EPHA6: variants seen among roughly 807,000 people sequenced by gnomAD.
The protein encoded by EPHA6 is ephrin type-A receptor 6.
In EPHA6, 50 loss-of-function variants were observed where a neutral mutation model predicts 112.0. The ratio of observed to expected loss-of-function variants is 0.45; its 90% CI spans 0.36 to 0.56. EPHA6 has a LOEUF of 0.56. Ranked by LOEUF, EPHA6 falls within the 20% of genes least tolerant of loss-of-function variation. The probability of loss-of-function intolerance (pLI) is 0.00; values close to 1 mark genes in which losing one functional copy is unlikely to be tolerated. For missense variants in EPHA6, 1,280 were observed against 1,417.4 expected (o/e 0.90, Z 1.56); for synonymous variants, 529 against 490.7 (o/e 1.08, Z -1.03).
At chr3:97,052,294 G>A (rs17568929) in intron 3 of EPHA6, among the ~76,000 whole-genome samples, 25,155 of 151,980 alleles carry the variant, frequency 0.17, 2,415 homozygotes, top group Non-Finnish European at 0.22. Context: ...CTAACCTCCT[G>A]TATGATGACT....
chr3:97,350,374 G>A (rs1056569907), intron 5 of EPHA6, among the ~76,000 whole-genome samples: 16 of 152,036 alleles, frequency 1.1e-4, no homozygotes, highest in Non-Finnish European at 2.2e-4. Flanking sequence ...TCACAATGCA[G>A]AACATTTTAA....
At chr3:97,166,390 C>T (rs1007945048) in intron 3 of EPHA6, among the ~76,000 whole-genome samples, 12 of 149,430 alleles carry the variant, frequency 8.0e-5, no homozygotes, top group South Asian at 2.1e-4. Flanking sequence ...AAATAACAAA[C>T]GTGTGTATAA....
At chr3:97,223,937 T>C (rs2078276806) in intron 3 of EPHA6, among the ~76,000 whole-genome samples, 1 of 151,924 alleles carries the variant, frequency 6.6e-6, no homozygotes, top group Admixed American at 6.5e-5. Flanking sequence ...TCCAGTATGG[T>C]ATTCACTAGC....
chr3:96,917,418 CAAAA>C, intron 2 of EPHA6, among the ~76,000 whole-genome samples: 1 of 58,080 alleles, frequency 1.7e-5, no homozygotes, highest in South Asian at 6.2e-4. Context: ...GACTCCATCT[CAAAA>C]AAAAAAAAAA....
At chr3:97,384,043 A>G (rs1386645653) in intron 5 of EPHA6, among the ~76,000 whole-genome samples, 3 of 152,182 alleles carry the variant, frequency 2.0e-5, no homozygotes, top group Non-Finnish European at 4.4e-5. Context: ...TAGAATATGT[A>G]AGTTTTTTTC....
At chr3:97,719,307 T>C (rs780985469) in intron 14 of EPHA6, among the ~76,000 whole-genome samples, 49 of 151,988 alleles carry the variant, frequency 3.2e-4, no homozygotes, top group Non-Finnish European at 6.0e-4. Context: ...GAGCTCTGAC[T>C]GTCAAAAATA....
At chr3:97,003,038 T>G (rs868533831) in intron 3 of EPHA6, among the ~76,000 whole-genome samples, 2 of 152,256 alleles carry the variant, frequency 1.3e-5, no homozygotes, top group Admixed American at 6.5e-5. Flanking sequence ...ATGGTTGTTA[T>G]GTTGTAGGGG....
intron 3 of EPHA6, among the ~76,000 whole-genome samples, chr3:97,018,802 C>G (rs1278294375): frequency 1.3e-5 from 2 of 152,100 alleles, no homozygotes; most frequent in Non-Finnish European, 2.9e-5. Flanking sequence ...CTCTAAACTC[C>G]CCTGGGGAAA....
At chr3:97,128,447 A>G (rs994592937) in intron 3 of EPHA6, among the ~76,000 whole-genome samples, 1 of 152,126 alleles carries the variant, frequency 6.6e-6, no homozygotes, top group Non-Finnish European at 1.5e-5. Context: ...TTGGATTATA[A>G]TACTTGATAT....
intron 1 of EPHA6, among the ~76,000 whole-genome samples, chr3:96,863,420 A>T (rs2036122625): frequency 6.6e-6 from 1 of 151,998 alleles, no homozygotes; most frequent in African/African-American, 2.4e-5. Context: ...TGATAAAATT[A>T]AAATATTTAC....
At position 97,760,396 on chromosome 3, in the gene EPHA6, G is replaced by T; in HGVS notation, c.*11695G>T. ...CATATGTATATATACATATGTATGTGTGTATGTGTGTATATATATCTCTCT... is the reference window on the plus strand; with the variant it reads ...CATATGTATATATACATATGTATGTTTGTATGTGTGTATATATATCTCTCT... On this transcript the variant is annotated 3_prime_UTR_variant, in exon 18 of 18. Transcript: ENST00000389672. 6.1e-6 allele frequency: 1 copy of T among 163,004 alleles called. No individual in the cohort carries two copies. Among genetic ancestry groups the T allele is most frequent in the Non-Finnish European group, 1.3e-5 (1 of 75,694 alleles). The allele number at this position is 163,004 out of a possible 1,614,324, so 10.1% of individuals were successfully genotyped here.
intron 3 of EPHA6, among the ~76,000 whole-genome samples, chr3:97,034,038 C>T (rs2044984904): frequency 6.6e-6 from 1 of 151,778 alleles, no homozygotes; most frequent in Non-Finnish European, 1.5e-5. Context: ...TATTGCTGAC[C>T]ACAATCTGCC....
intron 3 of EPHA6, among the ~76,000 whole-genome samples, chr3:97,047,518 A>G (rs1054347481): frequency 1.3e-4 from 19 of 150,516 alleles, no homozygotes; most frequent in South Asian, 2.1e-4. Context: ...AAAAAAAAAA[A>G]AAAGAAACCA....
At chr3:97,424,719 T>A (rs571076695) in intron 6 of EPHA6, among the ~76,000 whole-genome samples, 253 of 147,920 alleles carry the variant, frequency 1.7e-3, no homozygotes, top group African/African-American at 6.1e-3. Context: ...GGCAGGAGAA[T>A]CACTTGAACC....
intron 5 of EPHA6, among the ~76,000 whole-genome samples, chr3:97,365,565 T>A (rs1369164334): frequency 6.6e-6 from 1 of 152,068 alleles, no homozygotes; most frequent in Non-Finnish European, 1.5e-5. Context: ...TATTTTTGTA[T>A]TTTTAGTAGA....
At chr3:97,412,774 G>A (rs1478964925) in intron 6 of EPHA6, among the ~76,000 whole-genome samples, 1 of 151,834 alleles carries the variant, frequency 6.6e-6, no homozygotes, top group East Asian at 1.9e-4. Flanking sequence ...AAAATATAAA[G>A]CTATTTTTAA....
At chr3:97,596,029 A>G (rs955238987) in intron 12 of EPHA6, among the ~76,000 whole-genome samples, 2 of 147,294 alleles carry the variant, frequency 1.4e-5, no homozygotes, top group Non-Finnish European at 3.0e-5. Context: ...CCTCAGCCTC[A>G]CGAGTAGCTG....
At position 97,751,442 on chromosome 3, in the gene EPHA6, T is replaced by A. The variant is rs76155310; in HGVS notation, c.*2741T>A. Among the ~76,000 whole-genome samples, 3,774 of 152,254 alleles carry A rather than the reference T, an allele frequency of 0.025. 73 individuals carry two copies. Among genetic ancestry groups the A allele is most frequent in the African/African-American group, 0.047 (1,941 of 41,570 alleles). ...TTCAGAATGGTAAGCATGATAATCTTAAATGTAACTTTGAACTTCATTATG... is the reference window on the plus strand; with the variant it reads ...TTCAGAATGGTAAGCATGATAATCTAAAATGTAACTTTGAACTTCATTATG... On this transcript the variant is annotated 3_prime_UTR_variant, in exon 18 of 18. Coordinates refer to ENST00000389672, the MANE Select transcript of EPHA6 (RefSeq NM_001080448.3).
At chr3:97,222,955 A>G (rs1246032387) in intron 3 of EPHA6, among the ~76,000 whole-genome samples, 5 of 152,236 alleles carry the variant, frequency 3.3e-5, no homozygotes, top group Non-Finnish European at 7.3e-5. Flanking sequence ...GCGAGCTGAA[A>G]GATAAGTGAA....
Sources: allele counts gnomAD v4.1 joint callset (sites outside exome capture counted in the v4.1 genomes callset), GRCh38; gene constraint gnomAD v4.1.1; transcripts MANE v1.5; gene names NCBI Gene and HGNC (gene_info 2026-07-23, HGNC 2026-07-21).